Variants in TUT4 observed in about 807,000 individuals in gnomAD.
TUT4 encodes terminal uridylyltransferase 4.
In TUT4, 36 loss-of-function variants were observed where a neutral mutation model predicts 192.2. The observed-to-expected ratio is 0.19, with a 90% CI of 0.14 to 0.25. The LOEUF is 0.25. TUT4 is among the 10% of genes least tolerant of loss of function. TUT4 has a pLI of 1.00. For missense variants in TUT4, 1,493 were observed against 1,957.2 expected, an observed-to-expected ratio of 0.76 and a Z score of 4.47; for synonymous variants, 618 against 666.0, an observed-to-expected ratio of 0.93 and a Z score of 1.11.
intron 2 of TUT4, among the ~76,000 whole-genome samples, chr1:52,521,619 C>A (rs938687239): frequency 6.6e-6 from 1 of 151,840 alleles, no homozygotes; most frequent in Non-Finnish European, 1.5e-5. Flanking sequence ...GAGCTGTGAT[C>A]GCGCCACTGC....
intron 22 of TUT4, 91 bp from the exon 23 acceptor site, chr1:52,446,095 T>G (rs948234431): frequency 2.2e-6 from 3 of 1,343,238 alleles, no homozygotes; most frequent in African/African-American, 2.9e-5. Flanking sequence ...AATACTTATA[T>G]GTACTCAGAC....
intron 1 of TUT4, among the ~76,000 whole-genome samples, chr1:52,542,814 T>G (rs952484607): frequency 6.6e-6 from 1 of 151,818 alleles, no homozygotes; most frequent in Non-Finnish European, 1.5e-5. Flanking sequence ...CAGGCTGGAG[T>G]GCAATGGCAC....
At position 52,423,970 on chromosome 1, in the gene TUT4, A is replaced by G. The variant is rs1648887432; in HGVS notation, c.4903T>C (p.Cys1635Arg). The G allele has an allele frequency of 6.2e-7, 1 of 1,613,144 alleles. No homozygotes were observed. The highest frequency in any genetic ancestry group is 1.7e-5 in the Admixed American group (1 of 59,850). ...ACGTTTCCTCTTGGTGGGTGGGGAC[A>G]ACGCTCTCTACACCGACGGGTGGCA... ...RCATRRCRER[C>R]PHPPRGNVSE is the part of the protein sequence containing the mutation. Residue 1635 changes from cysteine to arginine, a missense_variant, in exon 30 of 30, where the codon TGT becomes CGT. By Grantham distance (180) the Cys-to-Arg change is radical (BLOSUM62 -3). This residue lies in a region of TUT4 where 351 missense variants were observed against 397.8 expected (regional missense o/e 0.88). Coordinates refer to ENST00000257177, the MANE Select transcript of TUT4 (RefSeq NM_001009881.3).
chr1:52,493,585 A>AG, intron 7 of TUT4, 26 bp downstream of exon 7: 1 of 1,402,062 alleles, frequency 7.1e-7, no homozygotes, highest in Non-Finnish European at 9.8e-7. Flanking sequence ...AAAAAAAAAA[A>AG]GAAAAGAAAA....
intron 1 of TUT4, among the ~76,000 whole-genome samples, chr1:52,545,964 T>C (rs1035204044): frequency 4.4e-5 from 2 of 45,102 alleles, no homozygotes; most frequent in South Asian, 1.3e-3. Context: ...TCTACAAAAA[T>C]ACAAAAAAAA....
chr1:52,431,992 A>C (rs1652246002), intron 27 of TUT4: 1 of 152,516 alleles, frequency 6.6e-6, no homozygotes. Context: ...GGACCCCCAC[A>C]ATCCTGTACT....
At chr1:52,453,223 T>C (rs1315297081) in intron 20 of TUT4, among the ~76,000 whole-genome samples, 2 of 151,496 alleles carry the variant, frequency 1.3e-5, no homozygotes, top group Non-Finnish European at 2.9e-5. Context: ...CTACTAAAAA[T>C]ACAAAAAAAT....
Position 52,476,568 on chromosome 1 carries a change from T to C in TUT4, c.2024-1033A>G, listed in dbSNP as rs114272571. Among the ~76,000 whole-genome samples the C allele has an allele frequency of 3.3e-3, 497 of 152,298 alleles. 2 individuals carry two copies. Among genetic ancestry groups the C allele is most frequent in the African/African-American group, 0.011 (476 of 41,566 alleles). On this transcript the variant is annotated intron_variant, in intron 12 of 29. Coordinates refer to ENST00000257177, the MANE Select transcript of TUT4 (RefSeq NM_001009881.3). ...CAAACTGTTAAAGTTGGGGCATCTGTTACTTTTTGCTGCTATCTAAATCCA... is the reference window on the plus strand; with the variant it reads ...CAAACTGTTAAAGTTGGGGCATCTGCTACTTTTTGCTGCTATCTAAATCCA...
At chr1:52,545,212 C>T (rs1159764153) in intron 1 of TUT4, among the ~76,000 whole-genome samples, 1 of 151,850 alleles carries the variant, frequency 6.6e-6, no homozygotes, top group Non-Finnish European at 1.5e-5. Flanking sequence ...TCCGTCTCTA[C>T]TAAAAATACA....
chr1:52,502,674 C>T (rs567794365), intron 4 of TUT4, among the ~76,000 whole-genome samples: 4 of 126,210 alleles, frequency 3.2e-5, no homozygotes, highest in South Asian at 2.7e-4. Flanking sequence ...GTTGGCGTGG[C>T]GTGCAATTGA....
At chr1:52,551,333 T>C (rs1288105752) in intron 1 of TUT4, among the ~76,000 whole-genome samples, 1 of 152,196 alleles carries the variant, frequency 6.6e-6, no homozygotes, top group Non-Finnish European at 1.5e-5. Context: ...TTAAGAAAAC[T>C]TCATTTTTCA....
chr1:52,498,535 C>T (rs1175652075), intron 4 of TUT4, among the ~76,000 whole-genome samples: 1 of 151,894 alleles, frequency 6.6e-6, no homozygotes, highest in African/African-American at 2.4e-5. Context: ...TGAGCCACAG[C>T]GCCCGGCCGT....
intron 24 of TUT4, among the ~76,000 whole-genome samples, chr1:52,441,791 A>C (rs1240512653): frequency 6.6e-6 from 1 of 152,178 alleles, no homozygotes; most frequent in African/African-American, 2.4e-5. Context: ...ACCCAAGGAC[A>C]GGCACATGGT....
Position 52,525,817 on chromosome 1 carries a change from C to T in TUT4, c.464G>A (p.Ser155Asn). The T allele has an allele frequency of 6.2e-7, 1 of 1,614,136 alleles. No homozygotes were observed. Among genetic ancestry groups the T allele is most frequent in the Non-Finnish European group, 8.5e-7 (1 of 1,180,030 alleles). ...SYQMKSEKVP[S>N]SPAEAEKGPS... ...TCCCTTTTCTGCTTCTGCTGGTGAA[C>T]TTGGTACTTTTTCTGACTTCATCTG... is the stretch of plus-strand genomic sequence containing the variant. The change falls in exon 2 of 30, where the codon AGT becomes AAT. Residue 155 changes from serine (S) to asparagine (N), a missense_variant. By Grantham distance (46) the Ser-to-Asn change is conservative. This residue lies in a region of TUT4 where 260 missense variants were observed against 247.8 expected (regional missense o/e 1.05). Transcript: ENST00000257177.
Position 52,489,023 on chromosome 1 carries a change from A to G in TUT4, c.1401T>C (p.Cys467=). ...CCATATCGTTTCCTGCACTCACTCT[A>G]CAAAGTAAACCACTGTGAATGAGAA... ...VCRDRKSGLL[C]RVSAGNDMAC... The change falls in exon 9 of 30, where the codon TGT becomes TGC. Residue 467 remains cysteine, a synonymous_variant. Coordinates refer to ENST00000257177, the MANE Select transcript of TUT4 (RefSeq NM_001009881.3). The G allele has an allele frequency of 6.2e-7, 1 of 1,611,674 alleles. No individual in the cohort carries two copies. The highest frequency in any genetic ancestry group is 8.5e-7 in the Non-Finnish European group (1 of 1,179,268).
intron 4 of TUT4, among the ~76,000 whole-genome samples, chr1:52,507,100 G>C (rs1205280265): frequency 6.6e-6 from 1 of 152,184 alleles, no homozygotes. Context: ...AGTCTGGATA[G>C]GAAGAAGTCC....
chr1:52,467,191 G>T (rs991244891), intron 15 of TUT4, among the ~76,000 whole-genome samples: 2 of 152,080 alleles, frequency 1.3e-5, no homozygotes, highest in African/African-American at 4.8e-5. Context: ...AAAAATATTT[G>T]TTTTCAAATA....
At chr1:52,548,065 A>G (rs1206145178) in intron 1 of TUT4, among the ~76,000 whole-genome samples, 1 of 152,182 alleles carries the variant, frequency 6.6e-6, no homozygotes, top group Non-Finnish European at 1.5e-5. Context: ...TTAGCCATCA[A>G]AGCAATAAAG....
At chr1:52,452,780 T>C (rs778378538) in intron 20 of TUT4, among the ~76,000 whole-genome samples, 3 of 152,158 alleles carry the variant, frequency 2.0e-5, no homozygotes, top group Non-Finnish European at 4.4e-5. Context: ...AATGGTTGAG[T>C]TCTGTGAGCC....
Sources: allele counts gnomAD v4.1 joint callset (sites outside exome capture counted in the v4.1 genomes callset), GRCh38; gene constraint gnomAD v4.1.1; regional missense constraint gnomAD v4.1.1; transcripts MANE v1.5; gene names NCBI Gene and HGNC (gene_info 2026-07-23, HGNC 2026-07-21).